Variants in MDFIC observed in about 807,000 individuals in gnomAD.
MDFIC encodes the protein MyoD family inhibitor domain containing.
In MDFIC, 17 loss-of-function variants were observed where a neutral mutation model predicts 23.2. The observed-to-expected ratio is 0.73, with a 90% confidence interval of 0.50 to 1.10. The LOEUF (loss-of-function observed/expected upper bound fraction) is 1.10, where lower values mean the gene tolerates loss of function less well. Ranked by LOEUF, MDFIC falls within the 50% of genes least tolerant of loss-of-function variation. The probability of loss-of-function intolerance (pLI) is 0.00; values close to 1 mark genes in which losing one functional copy is unlikely to be tolerated. For synonymous variants in MDFIC, 120 were observed against 115.2 expected, an observed-to-expected ratio of 1.04 and a Z score of -0.27; for missense variants, 356 against 316.6, an observed-to-expected ratio of 1.12 and a Z score of -0.95.
chr7:114,959,599 C>G (rs1230440322), intron 3 of MDFIC, among the ~76,000 whole-genome samples: 1 of 152,060 alleles, frequency 6.6e-6, no homozygotes, highest in African/African-American at 2.4e-5. Flanking sequence ...AACTTAATTT[C>G]AACTTAGAGA....
intron 2 of MDFIC, among the ~76,000 whole-genome samples, chr7:114,935,316 A>G (rs182143566): frequency 2.6e-5 from 4 of 152,120 alleles, no homozygotes; most frequent in Non-Finnish European, 2.9e-5. Context: ...ATTATCAAAT[A>G]TTTAATTGAA....
chr7:115,015,158 A>G (rs1247792233), intron 4 of MDFIC, among the ~76,000 whole-genome samples: 1 of 152,238 alleles, frequency 6.6e-6, no homozygotes, highest in Non-Finnish European at 1.5e-5. Flanking sequence ...AATCATTTGT[A>G]TTGGAAAGTG....
chr7:114,951,844 C>T (rs1285100876), intron 3 of MDFIC, among the ~76,000 whole-genome samples: 4 of 152,170 alleles, frequency 2.6e-5, no homozygotes, highest in Non-Finnish European at 5.9e-5. Flanking sequence ...CGGCTTCCTT[C>T]AGGTTCTGTA....
chr7:114,968,926 T>A (rs558955329), intron 3 of MDFIC, among the ~76,000 whole-genome samples: 14 of 152,192 alleles, frequency 9.2e-5, no homozygotes, highest in Non-Finnish European at 1.5e-4. Context: ...TAATTCCATA[T>A]CTCATAACTG....
chr7:115,014,239 G>A, intron 4 of MDFIC: 1 of 985,434 alleles, frequency 1.0e-6, no homozygotes, highest in Non-Finnish European at 1.2e-6. Context: ...AGGATGGGAT[G>A]CTTAGGGATA....
intron 3 of MDFIC, among the ~76,000 whole-genome samples, chr7:114,962,043 C>T (rs1793003062): frequency 6.6e-6 from 1 of 152,220 alleles, no homozygotes; most frequent in East Asian, 1.9e-4. Context: ...TTCTGAATTG[C>T]AAGGCATAAT....
intron 3 of MDFIC, among the ~76,000 whole-genome samples, chr7:114,958,141 G>C (rs900809445): frequency 6.6e-6 from 1 of 152,310 alleles, no homozygotes; most frequent in South Asian, 2.1e-4. Context: ...TGAAGAAACT[G>C]CCTCTGTGGA....
At chr7:115,007,994 C>T (rs1418232532) in intron 4 of MDFIC, among the ~76,000 whole-genome samples, 1 of 151,706 alleles carries the variant, frequency 6.6e-6, no homozygotes, top group Non-Finnish European at 1.5e-5. Flanking sequence ...TACCGCACCC[C>T]AGCCTAACTT....
chr7:114,961,406 G>A (rs977556824), intron 3 of MDFIC, among the ~76,000 whole-genome samples: 10 of 152,100 alleles, frequency 6.6e-5, no homozygotes, highest in Admixed American at 1.3e-4. Flanking sequence ...CTGACACCAG[G>A]CTGAAAGCAG....
intron 2 of MDFIC, 137 bp downstream of exon 2, chr7:114,923,264 C>A: frequency 7.7e-7 from 1 of 1,291,122 alleles, no homozygotes. Context: ...TTGCACAGTT[C>A]GCGTTACTCA....
chr7:114,957,413 A>G (rs1792904063), intron 3 of MDFIC, among the ~76,000 whole-genome samples: 1 of 152,186 alleles, frequency 6.6e-6, no homozygotes, highest in Non-Finnish European at 1.5e-5. Flanking sequence ...TATTGGAAAT[A>G]ATGTCTCCTT....
chr7:114,938,078 T>C (rs1792463233), intron 2 of MDFIC, among the ~76,000 whole-genome samples: 1 of 152,152 alleles, frequency 6.6e-6, no homozygotes, highest in Admixed American at 6.5e-5. Flanking sequence ...TGCCTCAGCC[T>C]CCCAAGTGGC....
At chr7:114,965,824 T>C (rs1196306707) in intron 3 of MDFIC, among the ~76,000 whole-genome samples, 1 of 152,238 alleles carries the variant, frequency 6.6e-6, no homozygotes, top group Admixed American at 6.5e-5. Flanking sequence ...TTCCCTACTT[T>C]GTTATTTCAT....
intron 4 of MDFIC, among the ~76,000 whole-genome samples, chr7:114,993,688 G>C (rs1163842500): frequency 2.0e-5 from 3 of 152,118 alleles, no homozygotes; most frequent in African/African-American, 7.2e-5. Flanking sequence ...CTGAGTTCTA[G>C]TTTGATTGCG....
At chr7:114,922,710 CTCTT>C (rs1265808775) in intron 1 of MDFIC, 74 bp downstream of exon 1, 1 of 1,363,712 alleles carries the variant, frequency 7.3e-7, no homozygotes, top group Non-Finnish European at 9.5e-7. Flanking sequence ...AACCCGATCT[CTCTT>C]TCCAGCCCCT....
At chr7:114,998,343 T>C (rs1283702181) in intron 4 of MDFIC, among the ~76,000 whole-genome samples, 1 of 152,160 alleles carries the variant, frequency 6.6e-6, no homozygotes, top group Non-Finnish European at 1.5e-5. Context: ...TCATGTTAAA[T>C]AAAAATATTT....
chr7:115,009,401 C>A (rs1279189952), intron 4 of MDFIC, among the ~76,000 whole-genome samples: 5 of 152,130 alleles, frequency 3.3e-5, no homozygotes, highest in African/African-American at 9.7e-5. Context: ...CGTTTAGAGG[C>A]GAGCTGAGTT....
At chr7:114,998,315 A>G (rs1307556745) in intron 4 of MDFIC, among the ~76,000 whole-genome samples, 3 of 152,188 alleles carry the variant, frequency 2.0e-5, no homozygotes, top group African/African-American at 4.8e-5. Context: ...ACCTATAGTA[A>G]AACCTTATCT....
At chr7:114,923,445 C>CGCTTCT in intron 2 of MDFIC, 1 of 1,537,266 alleles carries the variant, frequency 6.5e-7, no homozygotes, top group South Asian at 1.2e-5. Context: ...GGTTCTGAAG[C>CGCTTCT]GCTTCTCCTC....
Sources: gnomAD v4.1 joint callset for allele counts (sites outside exome capture counted in the v4.1 genomes callset) on GRCh38, gnomAD v4.1.1 for gene constraint, MANE v1.5 for transcripts, NCBI Gene and HGNC (gene_info 2026-07-23, HGNC 2026-07-21) for gene names.